Variants in PCDH15 observed in about 807,000 individuals in gnomAD.
PCDH15 encodes the protein protocadherin related 15, also known as protocadherin-15.
In PCDH15, 129 loss-of-function variants were observed where a neutral mutation model predicts 178.5. The ratio of observed to expected loss-of-function variants is 0.72; its 90% CI spans 0.63 to 0.84. The LOEUF is 0.84. Among genes scored for constraint, PCDH15 ranks in the 40% least tolerant of loss-of-function variants. PCDH15 has a pLI of 0.00. For missense variants in PCDH15, 2,230 were observed against 2,099.9 expected, an observed-to-expected ratio of 1.06 and a Z score of -1.21; for synonymous variants, 800 against 732.0, an observed-to-expected ratio of 1.09 and a Z score of -1.50.
chr10:54,655,292 G>GAGAGAGAGAGAGAGAGAGAGAGAGAC (rs1565866271), intron 2 of PCDH15, among the ~76,000 whole-genome samples: 3 of 121,088 alleles, frequency 2.5e-5, no homozygotes, highest in Non-Finnish European at 5.5e-5. Context: ...GAGAGAGAGA[G>GAGAGAGAGAGAGAGAGAGAGAGAGAC]AGAGAGAGAG....
chr10:55,303,344 A>C (rs1322025543), intron 1 of PCDH15, among the ~76,000 whole-genome samples: 1 of 152,168 alleles, frequency 6.6e-6, no homozygotes, highest in Admixed American at 6.5e-5. Context: ...AGATTGTTGT[A>C]GTTTACTGTT....
intron 7 of PCDH15, among the ~76,000 whole-genome samples, chr10:54,324,838 C>A (rs1048814642): frequency 2.4e-4 from 37 of 151,792 alleles, no homozygotes; most frequent in African/African-American, 8.7e-4. Context: ...ATCTTGATTA[C>A]AAAAGTGTTC....
At chr10:55,198,518 G>A (rs557509691) in intron 1 of PCDH15, among the ~76,000 whole-genome samples, 4 of 151,966 alleles carry the variant, frequency 2.6e-5, no homozygotes, top group African/African-American at 9.7e-5. Context: ...ACGGAGTCTC[G>A]CCCTGTCGCC....
chr10:54,694,954 C>T (rs1033990015), intron 1 of PCDH15, among the ~76,000 whole-genome samples: 2 of 151,370 alleles, frequency 1.3e-5, no homozygotes, highest in African/African-American at 4.9e-5. Context: ...AAACAGCCAA[C>T]TTGTGAATGC....
chr10:54,670,391 A>C (rs539240900), intron 1 of PCDH15, among the ~76,000 whole-genome samples: 5 of 152,154 alleles, frequency 3.3e-5, no homozygotes, highest in African/African-American at 4.8e-5. Context: ...GGAGAATTCA[A>C]ATCAGTGTCT....
chr10:53,969,717 G>GA (rs2089468715), intron 21 of PCDH15, among the ~76,000 whole-genome samples: 1 of 152,166 alleles, frequency 6.6e-6, no homozygotes, highest in South Asian at 2.1e-4. Context: ...CATTCTTAAA[G>GA]AAAAGAATTT....
intron 1 of PCDH15, among the ~76,000 whole-genome samples, chr10:55,199,794 T>G (rs1840193288): frequency 6.6e-6 from 1 of 151,996 alleles, no homozygotes; most frequent in South Asian, 2.1e-4. Flanking sequence ...GGCTGAAAGG[T>G]CCCAAGGTAC....
intron 26 of PCDH15, among the ~76,000 whole-genome samples, chr10:53,888,322 GTA>G (rs1491168173): frequency 1.2e-4 from 4 of 34,102 alleles, no homozygotes; most frequent in African/African-American, 2.6e-4. Context: ...ATATATGTAC[GTA>G]TATATATGTA....
chr10:55,520,954 G>C (rs976319123), intron 2 of PCDH15, among the ~76,000 whole-genome samples: 1 of 151,712 alleles, frequency 6.6e-6, no homozygotes, highest in African/African-American at 2.4e-5. Context: ...TGTGTTTGTG[G>C]TAAGAATGCT....
At chr10:54,301,496 A>G (rs1398345901) in intron 8 of PCDH15, among the ~76,000 whole-genome samples, 1 of 152,226 alleles carries the variant, frequency 6.6e-6, no homozygotes, top group African/African-American at 2.4e-5. Context: ...TAAGGGAATT[A>G]ACTTTTAATT....
intron 3 of PCDH15, among the ~76,000 whole-genome samples, chr10:54,523,046 A>T (rs890918377): frequency 6.6e-6 from 1 of 152,198 alleles, no homozygotes; most frequent in African/African-American, 2.4e-5. Flanking sequence ...CAAACACACA[A>T]ATGACAGTAA....
intron 2 of PCDH15, among the ~76,000 whole-genome samples, chr10:55,419,622 G>A (rs988371367): frequency 2.6e-5 from 4 of 151,680 alleles, no homozygotes; most frequent in African/African-American, 7.3e-5. Context: ...CCAAAGTCAC[G>A]TTCATTTAAA....
At chr10:53,837,192 G>C (rs1485968676) in intron 29 of PCDH15, among the ~76,000 whole-genome samples, 1 of 151,470 alleles carries the variant, frequency 6.6e-6, no homozygotes, top group Non-Finnish European at 1.5e-5. Context: ...AAGAGAAAAT[G>C]GGCATAAGAA....
chr10:55,341,785 ATATATATATATATATATATATTTTT>A (rs1312836631), intron 2 of PCDH15, among the ~76,000 whole-genome samples: 11 of 21,452 alleles, frequency 5.1e-4, no homozygotes, highest in African/African-American at 1.0e-3. Context: ...ATATATATAT[ATATATATATATATATATATATTTTT>A]TTTTTTTTTT....
intron 3 of PCDH15, among the ~76,000 whole-genome samples, chr10:54,408,863 T>G (rs1953060142): frequency 6.6e-6 from 1 of 152,158 alleles, no homozygotes; most frequent in South Asian, 2.1e-4. Flanking sequence ...ATCAGCTTTC[T>G]GGAACCAGGC....
chr10:55,112,339 T>C (rs1837528752), intron 2 of PCDH15, among the ~76,000 whole-genome samples: 1 of 152,010 alleles, frequency 6.6e-6, no homozygotes, highest in Non-Finnish European at 1.5e-5. Flanking sequence ...GAAGATTCGA[T>C]GAGAAGATAA....
chr10:54,196,344 G>A (rs10430537), intron 10 of PCDH15, among the ~76,000 whole-genome samples: 72,610 of 151,684 alleles, frequency 0.48, 18,274 homozygotes, highest in East Asian at 0.89. Context: ...GGGTTTCACC[G>A]TGTTAGCCAG....
chr10:55,579,794 G>A (rs574491680), intron 2 of PCDH15, among the ~76,000 whole-genome samples: 18 of 152,084 alleles, frequency 1.2e-4, no homozygotes, highest in South Asian at 6.2e-4. Context: ...CTTGAGCAAC[G>A]TATTGGGATT....
rs764628908 is a variant in PCDH15, at chr10:54,023,060, T to G, written c.2358A>C (p.Glu786Asp). The change falls in exon 19 of 38, where the codon GAA (glutamate) becomes GAC (aspartate). Residue 786 changes from glutamate (E) to aspartate (D), a missense_variant. By Grantham distance (45) the Glu-to-Asp change is conservative. Transcript: ENST00000644397. Reference protein sequence around the residue: ...KLNREVRDYYELVVVATDGAV... With the variant: ...KLNREVRDYYDLVVVATDGAV... ...CTCCATCTGTTGCCACAACAACAAG[T>G]TCATAGTAGTCCCTGACTTCTCTGT... The G allele has an allele frequency of 2.5e-6, 4 of 1,613,914 alleles. No individual in the cohort carries two copies. In the East Asian group the frequency reaches 8.9e-5, roughly 36 times the overall value.
Sources: gnomAD v4.1 joint callset for allele counts (sites outside exome capture counted in the v4.1 genomes callset) on GRCh38, gnomAD v4.1.1 for gene constraint, MANE v1.5 for transcripts, NCBI Gene and HGNC (gene_info 2026-07-23, HGNC 2026-07-21) for gene names.